Variants in UBE2E2 observed in about 807,000 individuals in gnomAD.
The protein encoded by UBE2E2 is ubiquitin-conjugating enzyme E2 E2.
Under a neutral mutation model 24.7 loss-of-function variants are expected in UBE2E2, and 6 were observed. The observed-to-expected ratio is 0.24, with a 90% CI of 0.13 to 0.48. The LOEUF (loss-of-function observed/expected upper bound fraction) is 0.48. UBE2E2 is among the 20% of genes least tolerant of loss of function. The pLI is 0.99. For missense variants in UBE2E2, 169 were observed against 245.0 expected, an observed-to-expected ratio of 0.69 and a Z score of 2.07; for synonymous variants, 104 against 83.6, an observed-to-expected ratio of 1.24 and a Z score of -1.33.
At chr3:23,455,280 T>A (rs1468237514) in intron 3 of UBE2E2, among the ~76,000 whole-genome samples, 2 of 152,148 alleles carry the variant, frequency 1.3e-5, no homozygotes, top group African/African-American at 4.8e-5. Flanking sequence ...ACCACAGCAA[T>A]AAAGCAGATG....
At chr3:23,296,529 A>G (rs1199470882) in intron 3 of UBE2E2, among the ~76,000 whole-genome samples, 1 of 152,016 alleles carries the variant, frequency 6.6e-6, no homozygotes, top group Non-Finnish European at 1.5e-5. Flanking sequence ...TCATTGTTCA[A>G]TTCCCACCTA....
chr3:23,466,626 G>A (rs368159125), intron 3 of UBE2E2, among the ~76,000 whole-genome samples: 38 of 151,954 alleles, frequency 2.5e-4, no homozygotes, highest in African/African-American at 8.2e-4. Context: ...GGAGTGCAAC[G>A]GTGCAATCTC....
intron 3 of UBE2E2, among the ~76,000 whole-genome samples, chr3:23,223,901 C>T (rs903426916): frequency 6.6e-6 from 1 of 152,004 alleles, no homozygotes; most frequent in African/African-American, 2.4e-5. Context: ...ATTGAAAAGA[C>T]TCTCCTTTTC....
chr3:23,557,599 C>A (rs1303725624), intron 5 of UBE2E2, among the ~76,000 whole-genome samples: 1 of 152,174 alleles, frequency 6.6e-6, no homozygotes, highest in Non-Finnish European at 1.5e-5. Flanking sequence ...ACACCAGACG[C>A]AGTGAGAACA....
At chr3:23,491,165 T>TA (rs989211331) in intron 3 of UBE2E2, among the ~76,000 whole-genome samples, 10 of 151,790 alleles carry the variant, frequency 6.6e-5, no homozygotes, top group Middle Eastern at 6.8e-3. Context: ...ATTGGTTTTT[T>TA]AAAAAAAAAT....
chr3:23,257,399 A>G (rs1373582800), intron 3 of UBE2E2, among the ~76,000 whole-genome samples: 11 of 151,026 alleles, frequency 7.3e-5, no homozygotes, highest in Admixed American at 6.7e-4. Context: ...CTAAGGGCCA[A>G]TTTCATAAGT....
intron 4 of UBE2E2, among the ~76,000 whole-genome samples, chr3:23,529,745 T>C (rs1461110296): frequency 3.9e-5 from 6 of 152,244 alleles, no homozygotes; most frequent in Non-Finnish European, 7.3e-5. Context: ...CTTAAAGGGA[T>C]AGGCACTCTG....
chr3:23,468,581 A>G (rs1272455624), intron 3 of UBE2E2, among the ~76,000 whole-genome samples: 2 of 152,240 alleles, frequency 1.3e-5, no homozygotes, highest in Non-Finnish European at 1.5e-5. Context: ...GAGGAAATAC[A>G]CTAAATCCCT....
intron 2 of UBE2E2, among the ~76,000 whole-genome samples, chr3:23,216,263 C>T (rs988730184): frequency 6.6e-6 from 1 of 152,020 alleles, no homozygotes; most frequent in Non-Finnish European, 1.5e-5. Flanking sequence ...AAGTTGATAC[C>T]AATTCTATTG....
chr3:23,354,223 T>C (rs1296796583), intron 3 of UBE2E2, among the ~76,000 whole-genome samples: 1 of 151,998 alleles, frequency 6.6e-6, no homozygotes, highest in Non-Finnish European at 1.5e-5. Context: ...TTACACCTTA[T>C]ACAAAAATTA....
intron 3 of UBE2E2, among the ~76,000 whole-genome samples, chr3:23,321,605 A>G (rs1442130567): frequency 6.7e-6 from 1 of 149,766 alleles, no homozygotes; most frequent in Non-Finnish European, 1.5e-5. Context: ...TGACCCCACT[A>G]GAATAGCTCT....
upstream of UBE2E2, chr3:23,203,306 G>T (rs1431152658): frequency 3.0e-6 from 3 of 987,130 alleles, no homozygotes; most frequent in South Asian, 4.5e-5. Context: ...AGGCGTGGTC[G>T]GGTGCGTGGT....
At chr3:23,346,919 A>G (rs1695573029) in intron 3 of UBE2E2, among the ~76,000 whole-genome samples, 1 of 152,236 alleles carries the variant, frequency 6.6e-6, no homozygotes, top group African/African-American at 2.4e-5. Context: ...TATTAGTATT[A>G]CAGTATGAAA....
chr3:23,352,133 A>G (rs1695774107), intron 3 of UBE2E2, among the ~76,000 whole-genome samples: 2 of 152,198 alleles, frequency 1.3e-5, no homozygotes, highest in Non-Finnish European at 1.5e-5. Flanking sequence ...CTGAATGACT[A>G]CTGGGTACAT....
At chr3:23,487,840 T>C (rs991005810) in intron 3 of UBE2E2, among the ~76,000 whole-genome samples, 1 of 152,204 alleles carries the variant, frequency 6.6e-6, no homozygotes, top group Non-Finnish European at 1.5e-5. Context: ...ATTTATTAAG[T>C]GTCTCTGTGT....
chr3:23,276,422 GT>G (rs1698376077), intron 3 of UBE2E2, among the ~76,000 whole-genome samples: 1 of 152,078 alleles, frequency 6.6e-6, no homozygotes, highest in African/African-American at 2.4e-5. Flanking sequence ...CTAAGGAGGG[GT>G]TAATTTACGT....
intron 5 of UBE2E2, among the ~76,000 whole-genome samples, chr3:23,563,564 C>T (rs938544049): frequency 5.9e-5 from 9 of 152,086 alleles, no homozygotes; most frequent in Admixed American, 2.6e-4. Flanking sequence ...GTGGAGAGTT[C>T]TGTAGATGTC....
At chr3:23,350,679 T>G (rs1024104926) in intron 3 of UBE2E2, among the ~76,000 whole-genome samples, 2 of 151,792 alleles carry the variant, frequency 1.3e-5, no homozygotes, top group African/African-American at 2.4e-5. Flanking sequence ...GAAGGGAAGT[T>G]TAGAGAAAAA....
intron 3 of UBE2E2, among the ~76,000 whole-genome samples, chr3:23,293,750 T>G (rs140349878): frequency 2.0e-5 from 3 of 152,254 alleles, no homozygotes; most frequent in African/African-American, 7.2e-5. Context: ...CCATCTTTTT[T>G]AATTTTATTT....
Sources: allele counts gnomAD v4.1 joint callset (sites outside exome capture counted in the v4.1 genomes callset), GRCh38; gene constraint gnomAD v4.1.1; transcripts MANE v1.5; gene names NCBI Gene and HGNC (gene_info 2026-07-23, HGNC 2026-07-21).